Variants in TIMM23B observed in about 807,000 individuals in gnomAD.
The protein encoded by TIMM23B is mitochondrial import inner membrane translocase subunit Tim23B.
A neutral mutation model predicts 27.3 loss-of-function variants in TIMM23B; 27 were observed. The observed-to-expected ratio is 0.99, with a 90% CI of 0.73 to 1.36. The LOEUF (loss-of-function observed/expected upper bound fraction) is 1.36, where lower values mean the gene tolerates loss of function less well. TIMM23B is among the 40% of genes most tolerant of loss of function. The pLI is 0.00. For missense variants in TIMM23B, 205 were observed against 244.2 expected, an observed-to-expected ratio of 0.84 and a Z score of 1.07; for synonymous variants, 73 against 92.4, an observed-to-expected ratio of 0.79 and a Z score of 1.21.
intron 1 of TIMM23B, among the ~76,000 whole-genome samples, chr10:49,944,293 G>A (rs1271450430): frequency 6.6e-6 from 1 of 152,220 alleles, no homozygotes; most frequent in Non-Finnish European, 1.5e-5. Flanking sequence ...GGTAGCAATA[G>A]AGAAGATAAG....
intron 6 of TIMM23B, among the ~76,000 whole-genome samples, chr10:49,961,874 G>A (rs1839928472): frequency 2.0e-5 from 3 of 149,858 alleles, no homozygotes; most frequent in Non-Finnish European, 4.4e-5. Flanking sequence ...TGGATTACAG[G>A]CATGAGCCAC....
intron 6 of TIMM23B, among the ~76,000 whole-genome samples, chr10:49,968,383 A>T (rs1355431491): frequency 6.6e-6 from 1 of 152,268 alleles, no homozygotes; most frequent in Admixed American, 6.5e-5. Context: ...AGGTCTGTGG[A>T]GTCAAAATGC....
intron 6 of TIMM23B, among the ~76,000 whole-genome samples, chr10:49,961,807 T>TG (rs1839925707): frequency 6.7e-6 from 1 of 149,472 alleles, no homozygotes; most frequent in Non-Finnish European, 1.5e-5. Flanking sequence ...AATGGGGTCT[T>TG]GCTATGTTAC....
In TIMM23B at chr10:49,965,498, C is replaced by T. The variant is rs552954268; in HGVS notation, c.514+7018C>T. Among the ~76,000 whole-genome samples, 144 of 148,590 alleles carry T rather than the reference C, an allele frequency of 9.7e-4. 2 individuals are homozygous for T. Among genetic ancestry groups the T allele is most frequent in the Non-Finnish European group, 1.6e-3 (109 of 67,276 alleles). On this transcript the variant is annotated intron_variant, in intron 6 of 6. Transcript: ENST00000651259. ...GTGCACTCCAGACTGGGCGATAGAG[C>T]GAGTCTCTGTCTCGAAATGAAATGA...
chr10:49,964,663 A>C (rs1264264425), intron 6 of TIMM23B, among the ~76,000 whole-genome samples: 3 of 151,474 alleles, frequency 2.0e-5, no homozygotes, highest in African/African-American at 7.3e-5. Flanking sequence ...TGAAATAATG[A>C]AATGAATAAT....
chr10:49,968,895 A>T (rs2132062488), intron 6 of TIMM23B, among the ~76,000 whole-genome samples: 1 of 152,308 alleles, frequency 6.6e-6, no homozygotes, highest in Non-Finnish European at 1.5e-5. Context: ...GACCTTTTGA[A>T]AAAGGTCCGC....
chr10:49,968,013 G>C (rs1248812921), intron 6 of TIMM23B, among the ~76,000 whole-genome samples: 3 of 152,110 alleles, frequency 2.0e-5, no homozygotes, highest in Non-Finnish European at 4.4e-5. Flanking sequence ...TAAAATATTT[G>C]ATCTTTTTCA....
chr10:49,942,791 T>A (rs1839188891), intron 1 of TIMM23B, among the ~76,000 whole-genome samples: 1 of 152,270 alleles, frequency 6.6e-6, no homozygotes, highest in Admixed American at 6.5e-5. Context: ...CTTTAGGAGC[T>A]AGGAAGTAAG....
intron 1 of TIMM23B, among the ~76,000 whole-genome samples, chr10:49,942,561 C>T (rs1472299500): frequency 6.6e-6 from 1 of 152,136 alleles, no homozygotes; most frequent in Non-Finnish European, 1.5e-5. Flanking sequence ...AGGTTTATAT[C>T]CAAGCCTCGT....
At chr10:49,964,000 T>C (rs1840019078) in intron 6 of TIMM23B, among the ~76,000 whole-genome samples, 1 of 151,220 alleles carries the variant, frequency 6.6e-6, no homozygotes, top group Non-Finnish European at 1.5e-5. Flanking sequence ...AATGAAATAA[T>C]GAAATGAATA....
chr10:49,968,238 A>G (rs549624037), intron 6 of TIMM23B, among the ~76,000 whole-genome samples: 2 of 152,372 alleles, frequency 1.3e-5, no homozygotes, highest in East Asian at 3.9e-4. Flanking sequence ...ATGGGCATGC[A>G]TGTTGGAGAA....
At chr10:49,956,554 G>C (rs1839733311) in intron 5 of TIMM23B, among the ~76,000 whole-genome samples, 1 of 145,032 alleles carries the variant, frequency 6.9e-6, no homozygotes, top group South Asian at 2.2e-4. Context: ...ACTTCCTAGC[G>C]GTACTTTCTA....
intron 2 of TIMM23B, among the ~76,000 whole-genome samples, chr10:49,948,749 G>A (rs1320223874): frequency 6.6e-6 from 1 of 152,132 alleles, no homozygotes; most frequent in Non-Finnish European, 1.5e-5. Context: ...GATTTTTTTG[G>A]GGGGTGATGA....
At chr10:49,969,362 A>C (rs1840311565) in intron 6 of TIMM23B, among the ~76,000 whole-genome samples, 2 of 150,386 alleles carry the variant, frequency 1.3e-5, no homozygotes, top group South Asian at 4.2e-4. Context: ...ACCTGAGCCC[A>C]GGAGGTCAAA....
At chr10:49,970,633 G>C (rs1158487629) in intron 6 of TIMM23B, among the ~76,000 whole-genome samples, 16 of 126,832 alleles carry the variant, frequency 1.3e-4, no homozygotes, top group African/African-American at 4.4e-4. Flanking sequence ...GGCAGCCCCC[G>C]CCCGGCCAGC....
At chr10:49,970,090 A>G (rs1246348070) in intron 6 of TIMM23B, 1 of 157,836 alleles carries the variant, frequency 6.3e-6, no homozygotes, top group Non-Finnish European at 1.4e-5. Flanking sequence ...TCGTTCACTC[A>G]GTGCTCAATG....
chr10:49,970,710 T>TG (rs1169830407), intron 6 of TIMM23B, among the ~76,000 whole-genome samples: 23 of 109,298 alleles, frequency 2.1e-4, no homozygotes, highest in African/African-American at 1.4e-4. Flanking sequence ...GGGAGGGAGG[T>TG]GGGGGGCGCC....
intron 6 of TIMM23B, among the ~76,000 whole-genome samples, chr10:49,962,792 G>A (rs1292933492): frequency 1.3e-5 from 2 of 151,976 alleles, no homozygotes; most frequent in Non-Finnish European, 2.9e-5. Context: ...TAAAAATTAA[G>A]TTATTTGAGA....
intron 2 of TIMM23B, among the ~76,000 whole-genome samples, chr10:49,947,813 C>G (rs1839402254): frequency 6.6e-6 from 1 of 151,946 alleles, no homozygotes; most frequent in Non-Finnish European, 1.5e-5. Flanking sequence ...ACCTGTAGTC[C>G]CAGCTACTAG....
Sources: gnomAD v4.1 joint callset for allele counts (sites outside exome capture counted in the v4.1 genomes callset) on GRCh38, gnomAD v4.1.1 for gene constraint, MANE v1.5 for transcripts, NCBI Gene and HGNC (gene_info 2026-07-23, HGNC 2026-07-21) for gene names.